Variants in AFTPH observed in about 807,000 individuals in gnomAD.
The protein encoded by AFTPH is aftiphilin.
AFTPH carries 7 observed loss-of-function variants against 72.5 expected under a neutral mutation model. The ratio of observed to expected loss-of-function variants is 0.10; its 90% confidence interval spans 0.05 to 0.18. The LOEUF is 0.18. AFTPH is among the 10% of genes least tolerant of loss of function. The pLI, the probability that AFTPH is intolerant of heterozygous loss-of-function variation, is 1.00. For synonymous variants in AFTPH, 337 were observed against 370.1 expected, an observed-to-expected ratio of 0.91 and a Z score of 1.03; for missense variants, 979 against 1,060.5, an observed-to-expected ratio of 0.92 and a Z score of 1.07.
At chr2:64,550,677 G>A (rs1422148089) in intron 1 of AFTPH, among the ~76,000 whole-genome samples, 4 of 130,234 alleles carry the variant, frequency 3.1e-5, no homozygotes, top group Admixed American at 1.6e-4. Context: ...CTGTACGCAT[G>A]CACACACACA....
intron 1 of AFTPH, among the ~76,000 whole-genome samples, chr2:64,546,870 TAAAAAAAAAAATCCAAAA>T (rs1670664713): frequency 7.9e-6 from 1 of 127,138 alleles, no homozygotes; most frequent in Non-Finnish European, 1.7e-5. Context: ...CCGTCTCTAC[TAAAAAAAAAAATCCAAAA>T]AAAAAAAAAA....
intron 6 of AFTPH, among the ~76,000 whole-genome samples, chr2:64,576,128 A>G (rs1229740249): frequency 1.5e-5 from 2 of 135,120 alleles, no homozygotes; most frequent in Non-Finnish European, 3.1e-5. Flanking sequence ...CGTGTGTCAT[A>G]CAAATGAAAT....
rs1467007239 is a variant in AFTPH at position 64,568,946 on chromosome 2, C to T, written c.2088-146C>T. 5.6e-6 allele frequency: 5 copies of T among 888,504 alleles called. No individual in the cohort carries two copies. In the Admixed American group the frequency reaches 7.7e-5, roughly 14 times the overall value. The allele number at this position is 888,504 out of a possible 1,614,324, so 55.0% of individuals were successfully genotyped here. On this transcript the variant is annotated intron_variant, in intron 3 of 8. Coordinates refer to ENST00000238856, the Ensembl canonical transcript of AFTPH. ...TTTCTAGTGACTATAAGTATTGGCT[C>T]TTGATTTCATTCAAATAGTTATACA...
chr2:64,540,622 G>A (rs1670188629), intron 1 of AFTPH, among the ~76,000 whole-genome samples: 1 of 152,136 alleles, frequency 6.6e-6, no homozygotes, highest in African/African-American at 2.4e-5. Flanking sequence ...AAGTGAACGT[G>A]TGTTGCAGCT....
chr2:64,534,742 GTTT>G (rs70937351), intron 1 of AFTPH, among the ~76,000 whole-genome samples: 1 of 140,028 alleles, frequency 7.1e-6, no homozygotes, highest in African/African-American at 2.6e-5. Flanking sequence ...CTTTAAGCTT[GTTT>G]TTTTTTTTTT....
chr2:64,568,974 T>TA lies in AFTPH; in HGVS notation c.2088-117dup, dbSNP rs1453641055. ...GATTTCATTCAAATAGTTATACACTTACGTTGGACCCAAGAGTAAATGGAA... is the reference window on the plus strand; with the variant it reads ...GATTTCATTCAAATAGTTATACACTTAACGTTGGACCCAAGAGTAAATGGAA... On this transcript the variant is annotated intron_variant, in intron 3 of 8. Coordinates refer to ENST00000238856, the Ensembl canonical transcript of AFTPH. 4.6e-6 allele frequency: 5 copies of TA among 1,087,632 alleles called. No homozygotes were observed. The Admixed American group carries it at 5.1e-5, about 11-fold the overall frequency. The allele number at this position is 1,087,632 out of a possible 1,614,324, so 67.4% of individuals were successfully genotyped here. A position where few individuals can be genotyped will look rare whatever the true frequency, so the allele number is the denominator to read the frequency against.
exon 3 of AFTPH, chr2:64,567,630 TGAAGAG>T: frequency 1.2e-6 from 2 of 1,613,702 alleles, no homozygotes; most frequent in Non-Finnish European, 1.7e-6. Context: ...TCCCTGATGC[TGAAGAG>T]GAAGTTACTT....
exon 9 of AFTPH, chr2:64,592,267 TTTA>T: frequency 2.8e-6 from 1 of 352,930 alleles, no homozygotes; most frequent in Non-Finnish European, 5.1e-6. Flanking sequence ...TTTTTGAAGA[TTTA>T]TTCTTTTTGT....
chr2:64,592,174 A>G lies in AFTPH; in HGVS notation c.*139A>G. ...GATTTGTTGGTAAGCCGCACTAGAA[A>G]GGTATACATAGTAATGTATATTTAT... On this transcript the variant is annotated 3_prime_UTR_variant, in exon 9 of 9. Coordinates refer to ENST00000238856, the Ensembl canonical transcript of AFTPH. 9 of 778,720 alleles carry G rather than the reference A, an allele frequency of 1.2e-5. 1 individual carries two copies. In the South Asian group the frequency reaches 2.1e-4, roughly 18 times the overall value. The allele number at this position is 778,720 out of a possible 1,614,324, so 48.2% of individuals were successfully genotyped here.
At chr2:64,550,987 CAAT>C (rs887485473) in intron 1 of AFTPH, among the ~76,000 whole-genome samples, 1 of 152,024 alleles carries the variant, frequency 6.6e-6, no homozygotes, top group Non-Finnish European at 1.5e-5. Flanking sequence ...ATATTTGTAA[CAAT>C]TATTACTGAT....
intron 2 of AFTPH, among the ~76,000 whole-genome samples, chr2:64,563,447 C>T (rs1671858347): frequency 6.6e-6 from 1 of 152,128 alleles, no homozygotes; most frequent in African/African-American, 2.4e-5. Context: ...AAATTAGTGT[C>T]TGATCACAAT....
chr2:64,531,365 A>T (rs931421819), intron 1 of AFTPH, among the ~76,000 whole-genome samples: 3 of 152,138 alleles, frequency 2.0e-5, no homozygotes, highest in Admixed American at 2.0e-4. Context: ...CATCTCCCTT[A>T]TTTCCTCAGA....
intron 2 of AFTPH, among the ~76,000 whole-genome samples, chr2:64,559,051 T>C (rs1166423849): frequency 6.6e-6 from 1 of 152,202 alleles, no homozygotes; most frequent in Non-Finnish European, 1.5e-5. Context: ...GTTTTTCTCA[T>C]CAACATTACA....
chr2:64,558,043 C>T (rs1671494860), intron 2 of AFTPH, among the ~76,000 whole-genome samples: 1 of 152,106 alleles, frequency 6.6e-6, no homozygotes, highest in Non-Finnish European at 1.5e-5. Flanking sequence ...TGATAGCTTA[C>T]TTAATATTTA....
intron 7 of AFTPH, among the ~76,000 whole-genome samples, chr2:64,581,800 C>T (rs753033629): frequency 6.6e-6 from 1 of 152,024 alleles, no homozygotes; most frequent in Non-Finnish European, 1.5e-5. Flanking sequence ...TATATAGTCC[C>T]ACATAGAACT....
chr2:64,555,477 C>T (rs1295569452), intron 2 of AFTPH, among the ~76,000 whole-genome samples: 1 of 151,578 alleles, frequency 6.6e-6, no homozygotes, highest in African/African-American at 2.4e-5. Context: ...AGGAGAATAA[C>T]TTGAACCCAG....
chr2:64,552,607 A>G lies in AFTPH; in HGVS notation c.1133A>G (p.Asp378Gly). 2 of 1,614,166 alleles carry G rather than the reference A, an allele frequency of 1.2e-6. No homozygotes were observed. Among genetic ancestry groups the G allele is most frequent in the Non-Finnish European group, 8.5e-7 (1 of 1,180,004 alleles). The stretch of plus-strand genomic sequence containing the variant: ...ATGGATTCTGTTAAAACTTCTGATG[A>G]TGAAGTTGGTTCTCCCAAAGAAGAA... Residue 378 changes from aspartate to glycine, a missense_variant, in exon 2 of 9, where the codon GAT becomes GGT. Coordinates refer to ENST00000238856, the Ensembl canonical transcript of AFTPH.
chr2:64,563,492 G>T (rs981994092), intron 2 of AFTPH, among the ~76,000 whole-genome samples: 1 of 152,232 alleles, frequency 6.6e-6, no homozygotes, highest in East Asian at 1.9e-4. Context: ...AAAAAAACCT[G>T]TCTGGTCATA....
chr2:64,525,162 C>T (rs1271951879), intron 1 of AFTPH, among the ~76,000 whole-genome samples: 1 of 152,204 alleles, frequency 6.6e-6, no homozygotes, highest in Non-Finnish European at 1.5e-5. Flanking sequence ...CGCATCCCTT[C>T]CTCAGAGTAC....
Sources: allele counts gnomAD v4.1 joint callset (sites outside exome capture counted in the v4.1 genomes callset), GRCh38; gene constraint gnomAD v4.1.1; transcripts MANE v1.5; gene names NCBI Gene and HGNC (gene_info 2026-07-23, HGNC 2026-07-21).